SMIM36: variants seen among roughly 807,000 people sequenced by gnomAD.
The protein encoded by SMIM36 is small integral membrane protein 36.
the SMIM36 span, among the ~76,000 whole-genome samples, chr17:55,524,609 T>C: frequency 6.6e-6 from 1 of 152,176 alleles, no homozygotes; most frequent in Admixed American, 6.5e-5. Flanking sequence ...TGGTAGTAAC[T>C]ATTCTGACTG....
chr17:55,527,518 A>C, the SMIM36 span, among the ~76,000 whole-genome samples: 3 of 152,226 alleles, frequency 2.0e-5, no homozygotes, highest in Admixed American at 1.3e-4. Flanking sequence ...TCTTTCCCTC[A>C]CATCTACTCT....
intron 3 of SMIM36, among the ~76,000 whole-genome samples, chr17:55,475,687 C>T (rs190865127): frequency 4.6e-5 from 7 of 152,328 alleles, no homozygotes; most frequent in African/African-American, 1.7e-4. Context: ...CAAATAATTA[C>T]ACTGAACCCC....
intron 4 of SMIM36, among the ~76,000 whole-genome samples, chr17:55,466,634 C>T (rs551747716): frequency 6.6e-6 from 1 of 152,308 alleles, no homozygotes; most frequent in East Asian, 1.9e-4. Flanking sequence ...CTCTTCATCG[C>T]ACCCTGAGTG....
chr17:55,526,384 C>T, the SMIM36 span, among the ~76,000 whole-genome samples: 3,067 of 152,128 alleles, frequency 0.02, 91 homozygotes, highest in African/African-American at 0.07. Flanking sequence ...GTCTTGAACT[C>T]CTGAGCTCAG....
In SMIM36 at chr17:55,478,238, C is replaced by CT. The variant is rs558302368; in HGVS notation, c.*347+523dup. Among the ~76,000 whole-genome samples, 666 of 143,066 alleles carry CT rather than the reference C, an allele frequency of 4.7e-3. 5 individuals carry two copies. The highest frequency in any genetic ancestry group is 0.012 in the South Asian group (54 of 4,460). The allele number at this position is 143,066 out of a possible 152,430, so 93.9% of individuals were successfully genotyped here. On this transcript the variant is annotated intron_variant, in intron 3 of 4. Transcript: ENST00000636752. ...TTGTTACGTTGTGGGGAGGTTATTC[C>CT]TTTTTTTTTTTTTCAGACAAGGTCT... is the stretch of plus-strand genomic sequence containing the variant.
intron 1 of SMIM36, among the ~76,000 whole-genome samples, chr17:55,498,992 C>CT (rs1322355410): frequency 2.3e-5 from 2 of 86,820 alleles, no homozygotes; most frequent in Non-Finnish European, 3.9e-5. Context: ...GAGTGAGACT[C>CT]TGTCACCAAA....
intron 1 of SMIM36, among the ~76,000 whole-genome samples, chr17:55,487,909 A>T (rs1409286881): frequency 2.0e-5 from 3 of 152,154 alleles, no homozygotes; most frequent in African/African-American, 7.2e-5. Flanking sequence ...AGGAGCCTAC[A>T]CGGAGTGGGG....
upstream of SMIM36, among the ~76,000 whole-genome samples, chr17:55,515,028 CAG>C (rs1910244496): frequency 1.4e-5 from 2 of 138,540 alleles, no homozygotes; most frequent in African/African-American, 5.1e-5. Context: ...CGAGTCCAAA[CAG>C]ATAGTAAATG....
intron 3 of SMIM36, among the ~76,000 whole-genome samples, chr17:55,478,004 G>C (rs1909454560): frequency 6.6e-6 from 1 of 151,978 alleles, no homozygotes; most frequent in African/African-American, 2.4e-5. Context: ...CTGCCAGCAT[G>C]GGCAACATGG....
At chr17:55,477,843 A>T (rs547772547) in intron 3 of SMIM36, among the ~76,000 whole-genome samples, 2 of 142,162 alleles carry the variant, frequency 1.4e-5, no homozygotes, top group South Asian at 4.8e-4. Flanking sequence ...ATTTTCACGA[A>T]CCTATTACTT....
chr17:55,482,400 G>A (rs1909535956), intron 1 of SMIM36, among the ~76,000 whole-genome samples: 1 of 152,130 alleles, frequency 6.6e-6, no homozygotes, highest in Non-Finnish European at 1.5e-5. Flanking sequence ...CCAAGAAGTT[G>A]TCTGGAACCT....
intron 1 of SMIM36, among the ~76,000 whole-genome samples, chr17:55,495,879 A>T (rs1461711274): frequency 6.6e-6 from 1 of 152,198 alleles, no homozygotes; most frequent in East Asian, 1.9e-4. Flanking sequence ...ATGTAGATTA[A>T]ATACAGAGAA....
intron 1 of SMIM36, among the ~76,000 whole-genome samples, chr17:55,501,393 AT>A (rs1567871171): frequency 1.9e-5 from 1 of 53,084 alleles, no homozygotes; most frequent in Non-Finnish European, 3.0e-5. Flanking sequence ...AATATAATAT[AT>A]TATATATTAT....
At chr17:55,521,571 C>T in the SMIM36 span, among the ~76,000 whole-genome samples, 1 of 152,106 alleles carries the variant, frequency 6.6e-6, no homozygotes, top group African/African-American at 2.4e-5. Context: ...TCTACTTTAT[C>T]TTTCTCTAGT....
the SMIM36 span, among the ~76,000 whole-genome samples, chr17:55,530,068 G>T: frequency 1.3e-5 from 2 of 152,164 alleles, no homozygotes; most frequent in African/African-American, 4.8e-5. Flanking sequence ...CTAAGCCCTA[G>T]CGAGGAAAGA....
upstream of SMIM36, among the ~76,000 whole-genome samples, chr17:55,515,772 G>A (rs1046099816): frequency 2.0e-5 from 3 of 152,216 alleles, no homozygotes; most frequent in African/African-American, 7.2e-5. Flanking sequence ...CAGACTTTCA[G>A]TCTCCACAAC....
At chr17:55,453,654 G>C (rs1908965118) in intron 4 of SMIM36, among the ~76,000 whole-genome samples, 1 of 152,134 alleles carries the variant, frequency 6.6e-6, no homozygotes, top group Admixed American at 6.6e-5. Flanking sequence ...CTAGCACTGA[G>C]AACAAGAATC....
chr17:55,513,570 A>G (rs1365710320), upstream of SMIM36, among the ~76,000 whole-genome samples: 1 of 152,194 alleles, frequency 6.6e-6, no homozygotes, highest in African/African-American at 2.4e-5. Context: ...AAAAGGCAGC[A>G]TTATGTACCA....
At chr17:55,501,434 T>C (rs1460867197) in intron 1 of SMIM36, among the ~76,000 whole-genome samples, 1 of 69,688 alleles carries the variant, frequency 1.4e-5, no homozygotes, top group East Asian at 5.8e-4. Flanking sequence ...TATATTATTA[T>C]ATATTATAAA....
Sources: allele counts gnomAD v4.1 joint callset (sites outside exome capture counted in the v4.1 genomes callset), GRCh38; gene constraint gnomAD v4.1.1; transcripts MANE v1.5; gene names NCBI Gene and HGNC (gene_info 2026-07-23, HGNC 2026-07-21).